Variants in RALA observed in about 807,000 individuals in gnomAD.
RALA encodes the protein RAS like proto-oncogene A.
RALA carries 5 observed loss-of-function variants against 24.0 expected under a neutral mutation model. The observed-to-expected ratio is 0.21, with a 90% confidence interval of 0.11 to 0.44. RALA has a LOEUF of 0.44. Ranked by LOEUF, RALA falls within the 20% of genes least tolerant of loss-of-function variation. The pLI is 0.99. For synonymous variants in RALA, 77 were observed against 83.8 expected (o/e 0.92, Z 0.44); for missense variants, 95 against 241.2 (o/e 0.39, Z 4.01).
rs146486429 is a variant in RALA, at chr7:39,686,404, A to G, written c.-37-227A>G. 2.2e-3 allele frequency among the ~76,000 whole-genome samples: 340 copies of G among 152,256 alleles called. 2 individuals carry two copies. The highest frequency in any genetic ancestry group is 7.7e-3 in the African/African-American group (321 of 41,544). On this transcript the variant is annotated intron_variant, in intron 1 of 4. Transcript: ENST00000005257. ...CATAGCTCATTACTGAAACCCAACT[A>G]TTTTAAGAGAAATGCCCTTGAGTCA...
chr7:39,630,072 A>G (rs1287726459), intron 1 of RALA, among the ~76,000 whole-genome samples: 1 of 150,530 alleles, frequency 6.6e-6, no homozygotes, highest in East Asian at 2.0e-4. Flanking sequence ...GTCTTGCTGG[A>G]CCCTCCAGGC....
chr7:39,658,625 G>T (rs2115988586), intron 1 of RALA, among the ~76,000 whole-genome samples: 1 of 152,198 alleles, frequency 6.6e-6, no homozygotes, highest in South Asian at 2.1e-4. Flanking sequence ...TCCTTGACCA[G>T]TGAATTAGGA....
chr7:39,651,284 A>G (rs1379695736), intron 1 of RALA, among the ~76,000 whole-genome samples: 1 of 152,244 alleles, frequency 6.6e-6, no homozygotes, highest in Admixed American at 6.5e-5. Context: ...TCAACCTAAC[A>G]ATGGTTTTGT....
chr7:39,681,302 CTTTTTTTTT>C (rs70996832), intron 1 of RALA, among the ~76,000 whole-genome samples: 6 of 50,004 alleles, frequency 1.2e-4, no homozygotes, highest in Admixed American at 3.5e-4. Flanking sequence ...CACCCTATTC[CTTTTTTTTT>C]TTTTTTTTTT....
chr7:39,684,042 A>G (rs976662672), intron 1 of RALA, among the ~76,000 whole-genome samples: 8 of 152,356 alleles, frequency 5.3e-5, no homozygotes, highest in African/African-American at 1.9e-4. Flanking sequence ...CAGCAACAGC[A>G]TGCTTCATAA....
At chr7:39,660,093 C>G (rs535424467) in intron 1 of RALA, among the ~76,000 whole-genome samples, 1 of 151,992 alleles carries the variant, frequency 6.6e-6, no homozygotes, top group African/African-American at 2.4e-5. Context: ...CGACTGTAAT[C>G]CCAGCACTTT....
chr7:39,686,077 G>A (rs1032273734), intron 1 of RALA, among the ~76,000 whole-genome samples: 11 of 151,998 alleles, frequency 7.2e-5, no homozygotes, highest in South Asian at 2.1e-4. Context: ...ATGGTGGTGC[G>A]CGCTTGTAGT....
At chr7:39,665,245 A>T (rs997850476) in intron 1 of RALA, among the ~76,000 whole-genome samples, 26 of 152,060 alleles carry the variant, frequency 1.7e-4, no homozygotes, top group African/African-American at 5.8e-4. Flanking sequence ...CATGAAAATG[A>T]TGAGAATGAA....
intron 1 of RALA, among the ~76,000 whole-genome samples, chr7:39,627,714 C>T (rs556826644): frequency 1.2e-4 from 19 of 152,278 alleles, no homozygotes; most frequent in Middle Eastern, 3.4e-3. Flanking sequence ...TGCCACACTG[C>T]GTGACCAAAC....
At position 39,676,651 on chromosome 7, in the gene RALA, C is replaced by T. The variant is rs138595898; in HGVS notation, c.-37-9980C>T. Among the ~76,000 whole-genome samples the T allele has an allele frequency of 3.3e-5, 5 of 152,176 alleles. No individual in the cohort carries two copies. The East Asian group carries it at 9.6e-4, about 29-fold the overall frequency. ...TGTAATGAGCTTCTCTATCGAAAAT[C>T]TAAAGAAGATAATAATGAATTCTGG... is the stretch of plus-strand genomic sequence containing the variant. On this transcript the variant is annotated intron_variant, in intron 1 of 4. Transcript: ENST00000005257.
intron 4 of RALA, among the ~76,000 whole-genome samples, chr7:39,701,955 AG>A (rs978887059): frequency 6.6e-6 from 1 of 152,218 alleles, no homozygotes; most frequent in Non-Finnish European, 1.5e-5. Flanking sequence ...CACGACTCCA[AG>A]GTTGCTCTTG....
chr7:39,704,577 C>A (rs749473177), intron 4 of RALA, among the ~76,000 whole-genome samples: 86 of 152,090 alleles, frequency 5.7e-4, no homozygotes, highest in Admixed American at 9.8e-4. Context: ...CTCAGCCTCC[C>A]AAAGTACTGG....
intron 1 of RALA, among the ~76,000 whole-genome samples, chr7:39,648,886 C>T (rs1445011719): frequency 6.6e-6 from 1 of 152,100 alleles, no homozygotes; most frequent in African/African-American, 2.4e-5. Flanking sequence ...AGTCAAAATC[C>T]AGTATCTACA....
intron 1 of RALA, among the ~76,000 whole-genome samples, chr7:39,651,346 G>A (rs1028800082): frequency 1.3e-5 from 2 of 152,192 alleles, no homozygotes; most frequent in Admixed American, 6.5e-5. Flanking sequence ...TTGTCACACA[G>A]ACCGACCCTG....
chr7:39,652,861 G>A (rs1792040823), intron 1 of RALA, among the ~76,000 whole-genome samples: 1 of 151,780 alleles, frequency 6.6e-6, no homozygotes, highest in Admixed American at 6.6e-5. Context: ...TGCCTCCCAG[G>A]TGCGAGCAAT....
At chr7:39,659,469 G>C (rs1792148905) in intron 1 of RALA, among the ~76,000 whole-genome samples, 1 of 151,644 alleles carries the variant, frequency 6.6e-6, no homozygotes, top group Non-Finnish European at 1.5e-5. Context: ...TTACTTTTCA[G>C]ATACACTTTT....
chr7:39,657,835 T>C (rs1004760565), intron 1 of RALA, among the ~76,000 whole-genome samples: 2 of 152,248 alleles, frequency 1.3e-5, no homozygotes, highest in African/African-American at 4.8e-5. Flanking sequence ...TGCATGTGTT[T>C]AGTATTTCAA....
chr7:39,706,288 T>C lies in RALA; in HGVS notation c.*43T>C, dbSNP rs1583766171. ...TTCTTATCTTGACCATACTAATAAATATAATTTATAAGCATTGCCATTGAA... is the reference window on the plus strand; with the variant it reads ...TTCTTATCTTGACCATACTAATAAACATAATTTATAAGCATTGCCATTGAA... On this transcript the variant is annotated 3_prime_UTR_variant, in exon 5 of 5. Transcript: ENST00000005257. 2 of 1,555,578 alleles carry C rather than the reference T, an allele frequency of 1.3e-6. No homozygotes were observed. The highest frequency in any genetic ancestry group is 8.6e-7 in the Non-Finnish European group (1 of 1,156,414).
intron 1 of RALA, among the ~76,000 whole-genome samples, chr7:39,644,079 C>G (rs979295283): frequency 3.3e-5 from 5 of 152,092 alleles, no homozygotes; most frequent in Admixed American, 1.3e-4. Flanking sequence ...AGACAAAATT[C>G]TGGACTCAAA....
Sources: gnomAD v4.1 joint callset for allele counts (sites outside exome capture counted in the v4.1 genomes callset) on GRCh38, gnomAD v4.1.1 for gene constraint, MANE v1.5 for transcripts, NCBI Gene and HGNC (gene_info 2026-07-23, HGNC 2026-07-21) for gene names.